PXYLP1: variants seen among roughly 807,000 people sequenced by gnomAD.
PXYLP1 encodes the protein acid phosphatase-like 2.
A neutral mutation model predicts 37.9 loss-of-function variants in PXYLP1; 17 were observed. That is an observed-to-expected ratio of 0.45 (90% CI 0.31 to 0.67). PXYLP1 has a LOEUF of 0.67. Among genes scored for constraint, PXYLP1 ranks in the 30% least tolerant of loss-of-function variants. The probability of loss-of-function intolerance (pLI) is 0.07; values close to 1 mark genes in which losing one functional copy is unlikely to be tolerated. For synonymous variants in PXYLP1, 221 were observed against 232.2 expected (o/e 0.95, Z 0.44); for missense variants, 511 against 612.0 (o/e 0.84, Z 1.74).
At position 141,292,193 on chromosome 3, in the gene PXYLP1, C is replaced by T. The variant is rs1156816873; in HGVS notation, c.506-75C>T. 7 of 1,418,348 alleles carry T rather than the reference C, an allele frequency of 4.9e-6. No homozygotes were observed. Among genetic ancestry groups the T allele is most frequent in the East Asian group, 2.3e-5 (1 of 43,780 alleles). 87.9% of individuals were successfully genotyped at this position (1,418,348 alleles called of 1,614,324 possible). On this transcript the variant is annotated intron_variant, in intron 5 of 5. Transcript: ENST00000286353. This position sits in a 1 kb window ranked among gnomAD's most constrained non-coding sequence, Gnocchi z 4.3. Reference sequence around the variant, plus strand: ...TGCCCTAAAACACTCCAGAGCCACACGCTGACTCCACCTCCCCTTGCTGTT... The same window carrying T: ...TGCCCTAAAACACTCCAGAGCCACATGCTGACTCCACCTCCCCTTGCTGTT...
At chr3:141,267,310 C>A (rs1202198919) in intron 2 of PXYLP1, 1 of 152,132 alleles carries the variant, frequency 6.6e-6, no homozygotes, top group East Asian at 1.9e-4. Context: ...CCTTAGAATG[C>A]ACAGGGTCTA....
chr3:141,265,618 A>G (rs1013005634), intron 2 of PXYLP1, among the ~76,000 whole-genome samples: 2 of 152,110 alleles, frequency 1.3e-5, no homozygotes, highest in African/African-American at 4.8e-5. Context: ...GGTTCTGTGG[A>G]ACTCTAGCTA....
intron 2 of PXYLP1, among the ~76,000 whole-genome samples, chr3:141,267,033 G>A (rs1941532361): frequency 6.6e-6 from 1 of 152,110 alleles, no homozygotes; most frequent in Admixed American, 6.5e-5. Context: ...TAGCATTTGT[G>A]GTTTCGACTC....
chr3:141,284,824 C>T (rs1942034354), intron 4 of PXYLP1, among the ~76,000 whole-genome samples: 2 of 152,060 alleles, frequency 1.3e-5, no homozygotes, highest in South Asian at 2.1e-4. Flanking sequence ...GATGGAGGGC[C>T]GACTATATTT....
At chr3:141,238,329 T>C (rs1940708137) in intron 1 of PXYLP1, among the ~76,000 whole-genome samples, 1 of 152,212 alleles carries the variant, frequency 6.6e-6, no homozygotes, top group Non-Finnish European at 1.5e-5. Flanking sequence ...ACAGAGAGGC[T>C]CCAGCATGGC....
At chr3:141,273,429 C>T (rs886752044) in intron 2 of PXYLP1, 4 of 985,242 alleles carry the variant, frequency 4.1e-6, no homozygotes, top group Non-Finnish European at 4.8e-6. Context: ...ATCAGTTTGG[C>T]TTGCATCCTA....
chr3:141,253,999 C>T (rs1941202755), intron 1 of PXYLP1, among the ~76,000 whole-genome samples: 1 of 152,022 alleles, frequency 6.6e-6, no homozygotes. Context: ...GCAGCCTCCA[C>T]CTCCGGGGCT....
intron 1 of PXYLP1, among the ~76,000 whole-genome samples, chr3:141,233,253 A>G (rs1940575063): frequency 6.6e-6 from 1 of 152,146 alleles, no homozygotes. Flanking sequence ...GGATCACCAG[A>G]GGTCGGGAGT....
chr3:141,285,191 G>C (rs2137015), intron 4 of PXYLP1, among the ~76,000 whole-genome samples: 14,934 of 128,080 alleles, frequency 0.12, 896 homozygotes, highest in African/African-American at 0.18. Flanking sequence ...TTGTCACCCA[G>C]GCTAGAGTAC....
chr3:141,279,289 C>T, intron 3 of PXYLP1, 89 bp from the exon 4 acceptor site: 1 of 1,531,004 alleles, frequency 6.5e-7, no homozygotes, highest in South Asian at 1.2e-5. Context: ...ATTCCCAGCC[C>T]AAATGTGGCC....
intron 1 of PXYLP1, among the ~76,000 whole-genome samples, chr3:141,234,020 CT>C (rs896859057): frequency 2.0e-5 from 3 of 152,176 alleles, no homozygotes; most frequent in African/African-American, 7.2e-5. Flanking sequence ...CTGGTCCCCC[CT>C]GTCTACCACA....
chr3:141,281,346 T>C (rs1941949596), intron 4 of PXYLP1, among the ~76,000 whole-genome samples: 1 of 152,026 alleles, frequency 6.6e-6, no homozygotes. Context: ...TGAGCCACAA[T>C]AAGACCAGGG....
intron 2 of PXYLP1, among the ~76,000 whole-genome samples, chr3:141,275,330 C>T (rs4683593): frequency 0.16 from 24,268 of 152,138 alleles, 2,785 homozygotes; most frequent in African/African-American, 0.31. Flanking sequence ...GGCCTCACCC[C>T]GGGTGCTTAT....
intron 2 of PXYLP1, among the ~76,000 whole-genome samples, chr3:141,266,303 C>A (rs891202576): frequency 6.6e-6 from 1 of 152,208 alleles, no homozygotes; most frequent in South Asian, 2.1e-4. Context: ...CTGAGGCCCA[C>A]GGAGCATTAC....
chr3:141,292,500 T>C lies in PXYLP1; in HGVS notation c.738T>C (p.Tyr246=). ...PSALFCSGSC[Y]CPVRNQYLEK... The stretch of plus-strand genomic sequence containing the variant: ...CGCTGTTCTGCTCTGGAAGCTGCTA[T>C]TGCCCGGTAAGAAACCAGTATCTGG... Residue 246 remains tyrosine (Y), a synonymous_variant, in exon 6 of 6, where the codon TAT becomes TAC. Transcript: ENST00000286353. This position sits in a 1 kb window ranked among gnomAD's most constrained non-coding sequence, Gnocchi z 4.3. 1.9e-6 allele frequency: 3 copies of C among 1,614,218 alleles called. No homozygotes were observed. The South Asian group carries it at 3.3e-5, about 18-fold the overall frequency.
chr3:141,263,622 C>T (rs1941443044), intron 2 of PXYLP1, among the ~76,000 whole-genome samples: 1 of 152,168 alleles, frequency 6.6e-6, no homozygotes, highest in Non-Finnish European at 1.5e-5. Context: ...CACTTCCCTC[C>T]TTGGCCCTTG....
At chr3:141,237,408 T>C (rs1238417284) in intron 1 of PXYLP1, among the ~76,000 whole-genome samples, 2 of 152,198 alleles carry the variant, frequency 1.3e-5, no homozygotes, top group East Asian at 1.9e-4. Flanking sequence ...AGTGCAGTGA[T>C]TGAGTGTGTA....
chr3:141,241,393 G>A (rs1940797472), intron 1 of PXYLP1, among the ~76,000 whole-genome samples: 1 of 151,900 alleles, frequency 6.6e-6, no homozygotes, highest in African/African-American at 2.4e-5. Context: ...CCTGGGGAAG[G>A]TGGGCAAGGA....
intron 4 of PXYLP1, among the ~76,000 whole-genome samples, chr3:141,282,765 C>A (rs1369608270): frequency 6.6e-6 from 1 of 152,122 alleles, no homozygotes; most frequent in Non-Finnish European, 1.5e-5. Context: ...ATCAATAGGA[C>A]TTGGTGGCAG....
Sources: gnomAD v4.1 joint callset for allele counts (sites outside exome capture counted in the v4.1 genomes callset) on GRCh38, gnomAD v4.1.1 for gene constraint, Gnocchi (gnomAD v3.1) non-coding constraint, MANE v1.5 for transcripts, NCBI Gene and HGNC (gene_info 2026-07-23, HGNC 2026-07-21) for gene names.